Variants in RGS7 observed in about 807,000 individuals in gnomAD.
RGS7 encodes the protein regulator of G protein signaling 7, also known as regulator of G-protein signaling 7.
Under a neutral mutation model 81.1 loss-of-function variants are expected in RGS7, and 27 were observed. The ratio of observed to expected loss-of-function variants is 0.33; its 90% CI spans 0.25 to 0.46. The LOEUF (loss-of-function observed/expected upper bound fraction) is 0.46, where lower values mean the gene tolerates loss of function less well. Among genes scored for constraint, RGS7 ranks in the 20% least tolerant of loss-of-function variants. RGS7 has a pLI of 1.00. For synonymous variants in RGS7, 208 were observed against 207.7 expected (o/e 1.00, Z -0.01); for missense variants, 396 against 607.4 (o/e 0.65, Z 3.66).
At chr1:241,020,970 A>C (rs2059506756) in intron 3 of RGS7, among the ~76,000 whole-genome samples, 1 of 152,184 alleles carries the variant, frequency 6.6e-6, no homozygotes, top group South Asian at 2.1e-4. Flanking sequence ...GTAAATGGGA[A>C]ATTAAGACAG....
chr1:241,155,684 T>C (rs996464219), intron 2 of RGS7, among the ~76,000 whole-genome samples: 1 of 151,640 alleles, frequency 6.6e-6, no homozygotes, highest in Non-Finnish European at 1.5e-5. Flanking sequence ...TGAGGTAAAA[T>C]TATTTCCCCA....
intron 4 of RGS7, among the ~76,000 whole-genome samples, chr1:240,976,764 TATCTATC>T (rs879718191): frequency 1.5e-3 from 217 of 146,972 alleles, no homozygotes; most frequent in Non-Finnish European, 2.1e-3. Flanking sequence ...TCTATCTATC[TATCTATC>T]ATCGATCTAT....
intron 2 of RGS7, among the ~76,000 whole-genome samples, chr1:241,295,586 T>G (rs902648267): frequency 6.6e-6 from 1 of 152,160 alleles, no homozygotes; most frequent in African/African-American, 2.4e-5. Context: ...GGCCACGTCC[T>G]AAAGGCGTTG....
chr1:241,261,706 AC>A (rs923594230), intron 2 of RGS7, among the ~76,000 whole-genome samples: 4 of 151,686 alleles, frequency 2.6e-5, no homozygotes, highest in African/African-American at 9.7e-5. Flanking sequence ...ATCATATTCT[AC>A]CCCTTCATAC....
At chr1:241,208,068 G>T (rs2074025564) in intron 2 of RGS7, among the ~76,000 whole-genome samples, 1 of 152,090 alleles carries the variant, frequency 6.6e-6, no homozygotes, top group African/African-American at 2.4e-5. Context: ...ACTGTGCCTG[G>T]CTAATTTTTG....
chr1:241,287,521 G>C (rs556518293), intron 2 of RGS7, among the ~76,000 whole-genome samples: 1 of 152,282 alleles, frequency 6.6e-6, no homozygotes, highest in South Asian at 2.1e-4. Flanking sequence ...GTGGAACTGT[G>C]AGTCAATTAA....
chr1:241,206,092 AG>A (rs2073863842), intron 2 of RGS7, among the ~76,000 whole-genome samples: 4 of 151,990 alleles, frequency 2.6e-5, no homozygotes, highest in Admixed American at 2.0e-4. Context: ...ATCTATTTCT[AG>A]GCATCCCCAT....
chr1:240,855,124 G>A (rs1225808863), intron 9 of RGS7, among the ~76,000 whole-genome samples: 1 of 151,818 alleles, frequency 6.6e-6, no homozygotes, highest in Admixed American at 6.6e-5. Context: ...TCTCTTAACT[G>A]TTTCTCTAGG....
rs1369738382 is a variant in RGS7 at position 241,146,225 on chromosome 1, A to G, written c.79-47463T>C. Reference sequence around the variant, plus strand: ...GAAAAATTAAAATGACAGTACAATGAAAAAAAAATACAATCTAATAAGACA... The same window carrying G: ...GAAAAATTAAAATGACAGTACAATGGAAAAAAAATACAATCTAATAAGACA... On this transcript the variant is annotated intron_variant, in intron 2 of 18. Transcript: ENST00000440928. Among the ~76,000 whole-genome samples, 4 of 150,540 alleles carry G rather than the reference A, an allele frequency of 2.7e-5. No homozygotes were observed. The East Asian group carries it at 7.7e-4, about 29-fold the overall frequency.
chr1:241,255,627 AG>A (rs2077023318), intron 2 of RGS7, among the ~76,000 whole-genome samples: 1 of 152,324 alleles, frequency 6.6e-6, no homozygotes, highest in Middle Eastern at 3.4e-3. Flanking sequence ...TGAAGCAGAC[AG>A]GGCTTGATTC....
intron 2 of RGS7, among the ~76,000 whole-genome samples, chr1:241,335,193 T>C (rs2082175268): frequency 6.6e-6 from 1 of 152,128 alleles, no homozygotes. Flanking sequence ...AATGGTATCT[T>C]GAGGAGCTAG....
intron 2 of RGS7, among the ~76,000 whole-genome samples, chr1:241,121,798 G>A (rs145972206): frequency 7.6e-6 from 1 of 131,236 alleles, no homozygotes; most frequent in Non-Finnish European, 1.5e-5. Context: ...GCTTACTGCA[G>A]CCTCAACCTC....
intron 3 of RGS7, among the ~76,000 whole-genome samples, chr1:241,030,373 T>TATATATATAC (rs374223475): frequency 0.025 from 3,370 of 135,204 alleles, 280 homozygotes; most frequent in African/African-American, 0.09. Context: ...TATATATATA[T>TATATATATAC]ACATACACAC....
chr1:240,932,753 CT>C (rs1558485734), intron 5 of RGS7, among the ~76,000 whole-genome samples: 1 of 151,004 alleles, frequency 6.6e-6, no homozygotes, highest in Non-Finnish European at 1.5e-5. Flanking sequence ...CGTGATCCGC[CT>C]GCCTCGGCCT....
At chr1:241,199,685 GA>G (rs35238658) in intron 2 of RGS7, among the ~76,000 whole-genome samples, 214 of 138,296 alleles carry the variant, frequency 1.5e-3, no homozygotes, top group African/African-American at 4.8e-3. Context: ...GTGGCTTCCA[GA>G]AAAAAAAAAA....
At chr1:241,024,264 GT>G (rs1289951738) in intron 3 of RGS7, among the ~76,000 whole-genome samples, 3 of 152,214 alleles carry the variant, frequency 2.0e-5, no homozygotes, top group African/African-American at 7.2e-5. Context: ...GCTGGAAGCT[GT>G]GATAATGGAG....
In RGS7 at chr1:241,302,866, TTTTC is replaced by T. The variant is rs35027277; in HGVS notation, c.78+52829_78+52832del. Among the ~76,000 whole-genome samples the T allele has an allele frequency of 6.9e-4, 104 of 151,250 alleles. 3 individuals carry two copies. The highest frequency in any genetic ancestry group is 3.4e-3 in the Middle Eastern group (1 of 294). On this transcript the variant is annotated intron_variant, in intron 2 of 18. Coordinates refer to ENST00000440928, the MANE Select transcript of RGS7 (RefSeq NM_001364886.1). ...AGGGATCTCTAAAAGACAGGCATTC[TTTTC>T]TTTCTTTCTTTCTTTCTTTTTTAAC...
At position 240,836,576 on chromosome 1, in the gene RGS7, A is replaced by G. The variant is rs12136650; in HGVS notation, c.610-9404T>C. On this transcript the variant is annotated intron_variant, in intron 9 of 18. Transcript: ENST00000440928. ...CTGCTGAGATGGGAAAGCCTGTGAA[A>G]AGAAGAGAGGAATCCAAAATGATCC... Among the ~76,000 whole-genome samples, 1,262 of 152,328 alleles carry G rather than the reference A, an allele frequency of 8.3e-3. 26 individuals are homozygous for G. The East Asian group carries it at 0.092, about 11-fold the overall frequency.
At chr1:240,866,895 G>A (rs967608203) in intron 9 of RGS7, among the ~76,000 whole-genome samples, 1 of 152,154 alleles carries the variant, frequency 6.6e-6, no homozygotes, top group African/African-American at 2.4e-5. Flanking sequence ...GGGTTGCCAG[G>A]AGGATCCAGG....
Sources: gnomAD v4.1 joint callset for allele counts (sites outside exome capture counted in the v4.1 genomes callset) on GRCh38, gnomAD v4.1.1 for gene constraint, MANE v1.5 for transcripts, NCBI Gene and HGNC (gene_info 2026-07-23, HGNC 2026-07-21) for gene names.